The following CRTAC1 variants were observed in gnomAD, a reference collection of about 807,000 sequenced individuals.
CRTAC1 encodes the protein cartilage acidic protein 1, also known as acidic secreted protein in cartilage.
CRTAC1 carries 37 observed loss-of-function variants against 67.8 expected under a neutral mutation model. The observed-to-expected ratio is 0.55, with a 90% CI of 0.42 to 0.72. The LOEUF (loss-of-function observed/expected upper bound fraction) is 0.72. Among genes scored for constraint, CRTAC1 ranks in the 30% least tolerant of loss-of-function variants. The probability of loss-of-function intolerance (pLI) is 0.00; values close to 1 mark genes in which losing one functional copy is unlikely to be tolerated. For missense variants in CRTAC1, 780 were observed against 931.6 expected (o/e 0.84, Z 2.12); for synonymous variants, 348 against 371.0 (o/e 0.94, Z 0.71).
At chr10:97,910,118 C>A (rs2050669087) in intron 5 of CRTAC1, among the ~76,000 whole-genome samples, 1 of 152,160 alleles carries the variant, frequency 6.6e-6, no homozygotes, top group African/African-American at 2.4e-5. Context: ...GGAATAAGTT[C>A]AAGAGATCCA....
intron 14 of CRTAC1, chr10:97,879,571 A>G (rs1221546623): frequency 2.8e-5 from 37 of 1,338,844 alleles, no homozygotes; most frequent in Non-Finnish European, 3.7e-5. Context: ...ATTCAGAGGG[A>G]GCACACAGCA....
intron 2 of CRTAC1, among the ~76,000 whole-genome samples, chr10:98,010,769 C>T (rs983081041): frequency 6.6e-6 from 1 of 152,220 alleles, no homozygotes; most frequent in African/African-American, 2.4e-5. Flanking sequence ...TTAAGCCCTT[C>T]CTGTATAGAG....
chr10:97,973,808 C>T (rs1244943718), intron 2 of CRTAC1, among the ~76,000 whole-genome samples: 1 of 152,014 alleles, frequency 6.6e-6, no homozygotes, highest in Non-Finnish European at 1.5e-5. Context: ...ACTGAAATGC[C>T]TTTTTTCTTT....
At chr10:98,006,737 A>C (rs1195770794) in intron 2 of CRTAC1, among the ~76,000 whole-genome samples, 1 of 152,208 alleles carries the variant, frequency 6.6e-6, no homozygotes, top group Non-Finnish European at 1.5e-5. Flanking sequence ...CGCTTTATAA[A>C]CTGAAGAGCT....
At chr10:97,885,931 G>C (rs1490359014) in intron 11 of CRTAC1, among the ~76,000 whole-genome samples, 1 of 152,178 alleles carries the variant, frequency 6.6e-6, no homozygotes, top group Non-Finnish European at 1.5e-5. Flanking sequence ...ACTTAAAATT[G>C]CTGTTGAATG....
At chr10:97,928,519 T>C (rs1332390353) in intron 3 of CRTAC1, among the ~76,000 whole-genome samples, 1 of 152,228 alleles carries the variant, frequency 6.6e-6, no homozygotes, top group Non-Finnish European at 1.5e-5. Flanking sequence ...TCGAGGTGGG[T>C]ACTATTTTCA....
chr10:97,940,069 G>C (rs1205746288), intron 2 of CRTAC1, among the ~76,000 whole-genome samples: 3 of 152,142 alleles, frequency 2.0e-5, no homozygotes, highest in Non-Finnish European at 4.4e-5. Context: ...TGAATCAGTG[G>C]ATGAATGAAT....
chr10:97,924,489 AG>A (rs1244420170), intron 3 of CRTAC1, among the ~76,000 whole-genome samples: 1 of 152,082 alleles, frequency 6.6e-6, no homozygotes, highest in Non-Finnish European at 1.5e-5. Context: ...AGCATGGCAC[AG>A]GGGCCCAGGG....
At chr10:97,918,316 C>T (rs1217324075) in intron 4 of CRTAC1, among the ~76,000 whole-genome samples, 3 of 152,160 alleles carry the variant, frequency 2.0e-5, no homozygotes, top group Admixed American at 6.5e-5. Flanking sequence ...CCAGGAGCAG[C>T]CCTGGGCACC....
rs1332892335 is a variant in CRTAC1 at position 97,880,255 on chromosome 10, A to G, written c.1813T>C (p.Cys605Arg). ...TGGCTGGGGCCCCACTCACCCACGC[A>G]GGCTGTGCCATCCTCGTTGGGCTCG... is the stretch of plus-strand genomic sequence containing the variant. The part of the protein sequence containing the change: ...GYEPNEDGTA[C>R]VGTLGQSPGP... Residue 605 changes from cysteine to arginine, a missense_variant, in exon 14 of 15, where the codon TGC (cysteine) becomes CGC (arginine). Physicochemically the swap from Cys to Arg is radical, Grantham distance 180 (BLOSUM62 -3). Transcript: ENST00000370597. 4 of 1,614,032 alleles carry G rather than the reference A, an allele frequency of 2.5e-6. No individual in the cohort carries two copies. Among genetic ancestry groups the G allele is most frequent in the Admixed American group, 3.3e-5 (2 of 60,006 alleles).
chr10:97,895,375 G>T lies in CRTAC1; in HGVS notation c.1356C>A (p.Thr452=), dbSNP rs1349617101. Residue 452 remains threonine (T), a synonymous_variant, in exon 11 of 15, where the codon ACC becomes ACA. Transcript: ENST00000370597. This position sits in a 1 kb window ranked among gnomAD's most constrained non-coding sequence, Gnocchi z 4.2. ...CTCCCCTGGCAAAGGCCCCAAACCG[G>T]GTGCGTGGCACCACTCGCAGCCAGT... is the stretch of plus-strand genomic sequence containing the variant. ...NNNWLRVVPR[T]RFGAFARGAK... is the part of the protein sequence containing the mutation. The T allele has an allele frequency of 6.2e-7, 1 of 1,612,456 alleles. No homozygotes were observed. The highest frequency in any genetic ancestry group is 2.2e-5 in the East Asian group (1 of 44,796).
intron 14 of CRTAC1, chr10:97,867,266 T>A (rs982221993): frequency 3.3e-5 from 5 of 152,358 alleles, no homozygotes; most frequent in African/African-American, 1.2e-4. Flanking sequence ...CAGCCAATGA[T>A]GCCCGGCTTC....
intron 1 of CRTAC1, among the ~76,000 whole-genome samples, chr10:98,021,482 T>C (rs566293468): frequency 2.6e-5 from 4 of 152,294 alleles, no homozygotes; most frequent in African/African-American, 9.6e-5. Context: ...TGGAATCTCC[T>C]AGCCTTATGC....
chr10:97,904,055 C>T (rs1482976717), intron 7 of CRTAC1, among the ~76,000 whole-genome samples: 4 of 151,822 alleles, frequency 2.6e-5, no homozygotes, highest in Admixed American at 2.0e-4. Flanking sequence ...CCCCTGCACA[C>T]TCCACAAACA....
Position 97,890,299 on chromosome 10 carries a change from G to C in CRTAC1, c.1486+4946C>G, listed in dbSNP as rs540581757. Among the ~76,000 whole-genome samples, 21 of 152,168 alleles carry C rather than the reference G, an allele frequency of 1.4e-4. No individual in the cohort carries two copies. The South Asian group carries it at 4.4e-3, about 32-fold the overall frequency. On this transcript the variant is annotated intron_variant, in intron 11 of 14. Coordinates refer to ENST00000370597, the MANE Select transcript of CRTAC1 (RefSeq NM_018058.7). ...ACCGGGCTAATTTTTGTAGAAAGGG[G>C]GGTCTCGCCATGTTGCCTAGGCTGG...
intron 2 of CRTAC1, among the ~76,000 whole-genome samples, chr10:97,944,230 C>T (rs2051224741): frequency 6.6e-6 from 1 of 152,128 alleles, no homozygotes; most frequent in African/African-American, 2.4e-5. Context: ...GAGTTCAAGA[C>T]CAGCCTGGCC....
At position 98,029,849 on chromosome 10, in the gene CRTAC1, A is replaced by T. The variant is rs1250168995; in HGVS notation, c.24+600T>A. Among the ~76,000 whole-genome samples the T allele has an allele frequency of 1.3e-5, 2 of 152,144 alleles. No individual in the cohort carries two copies. The highest frequency in any genetic ancestry group is 2.9e-5 in the Non-Finnish European group (2 of 68,006). On this transcript the variant is annotated intron_variant, in intron 1 of 14. Transcript: ENST00000370597. This position sits in a 1 kb window ranked among gnomAD's most constrained non-coding sequence, Gnocchi z 4.7. ...TTGCCTCAGGCAGCCTGAAGGGAAG[A>T]CCACACCTCGTCCAGCATAAGGCGG...
chr10:97,998,169 C>T (rs1176060647), intron 2 of CRTAC1, among the ~76,000 whole-genome samples: 1 of 152,122 alleles, frequency 6.6e-6, no homozygotes, highest in Non-Finnish European at 1.5e-5. Flanking sequence ...GATGAGGTTT[C>T]TCCATGTTGC....
At chr10:97,892,038 C>T (rs1396889729) in intron 11 of CRTAC1, among the ~76,000 whole-genome samples, 8 of 152,184 alleles carry the variant, frequency 5.3e-5, no homozygotes, top group Non-Finnish European at 1.2e-4. Flanking sequence ...AATCCCAGGG[C>T]CTTGCAAAAT....
Sources: allele counts gnomAD v4.1 joint callset (sites outside exome capture counted in the v4.1 genomes callset), GRCh38; gene constraint gnomAD v4.1.1; non-coding constraint Gnocchi (gnomAD v3.1); transcripts MANE v1.5; gene names NCBI Gene and HGNC (gene_info 2026-07-23, HGNC 2026-07-21).